Variants in SSH2 observed in about 807,000 individuals in gnomAD.
SSH2 encodes the protein protein phosphatase Slingshot homolog 2.
In SSH2, 37 loss-of-function variants were observed where a neutral mutation model predicts 135.2. The ratio of observed to expected loss-of-function variants is 0.27; its 90% CI spans 0.21 to 0.36. The LOEUF is 0.36. Ranked by LOEUF, SSH2 falls within the 10% of genes least tolerant of loss-of-function variation. SSH2 has a pLI of 1.00. For synonymous variants in SSH2, 628 were observed against 646.2 expected (o/e 0.97, Z 0.43); for missense variants, 1,408 against 1,765.3 (o/e 0.80, Z 3.63).
At chr17:29,725,963 A>G (rs1282379310) in intron 3 of SSH2, among the ~76,000 whole-genome samples, 1 of 152,228 alleles carries the variant, frequency 6.6e-6, no homozygotes, top group Non-Finnish European at 1.5e-5. Context: ...GGAGGTAGAG[A>G]GAGACAAATA....
intron 11 of SSH2, among the ~76,000 whole-genome samples, chr17:29,659,926 G>T (rs2036957772): frequency 2.0e-5 from 3 of 152,146 alleles, no homozygotes; most frequent in Admixed American, 6.5e-5. Flanking sequence ...CACCTCCTGG[G>T]TTCAAGTGAT....
chr17:29,928,326 G>A (rs1273981981), intron 1 of SSH2: 3 of 389,736 alleles, frequency 7.7e-6, no homozygotes, highest in African/African-American at 4.1e-5. Flanking sequence ...GTCTTCAGAT[G>A]ACCCTAAAAT....
chr17:29,852,138 C>T (rs761547405), intron 1 of SSH2, among the ~76,000 whole-genome samples: 1 of 151,598 alleles, frequency 6.6e-6, no homozygotes, highest in African/African-American at 2.4e-5. Flanking sequence ...AAAAATTAGC[C>T]AGGTGTGGTG....
chr17:29,929,912 C>T (rs770322310), intron 1 of SSH2, 26 bp downstream of exon 1: 2 of 1,573,378 alleles, frequency 1.3e-6, no homozygotes, highest in African/African-American at 1.4e-5. Flanking sequence ...CAGAAGCAAG[C>T]GGAGCGGCCG....
Position 29,832,699 on chromosome 17 carries a change from C to A in SSH2, c.144+16150G>T, listed in dbSNP as rs1487875850. ...TTTTCTTTTCTTTTTTTGAGACAGT[C>A]TTACCCTACTGCCCAGGCTGGAGTA... is the stretch of plus-strand genomic sequence containing the variant. On this transcript the variant is annotated intron_variant, in intron 2 of 15. Coordinates refer to ENST00000540801, the MANE Select transcript of SSH2 (RefSeq NM_001282129.2). 7.9e-5 allele frequency among the ~76,000 whole-genome samples: 12 copies of A among 152,200 alleles called. No homozygotes were observed. In the East Asian group the frequency reaches 2.3e-3, roughly 29 times the overall value.
chr17:29,631,857 G>A lies in SSH2; in HGVS notation c.3337C>T (p.His1113Tyr). 6.2e-7 allele frequency: 1 copy of A among 1,614,246 alleles called. No individual in the cohort carries two copies. Among genetic ancestry groups the A allele is most frequent in the Non-Finnish European group, 8.5e-7 (1 of 1,180,046 alleles). ...LPLPHSSSPEHNRPTDHPTSI... is the reference protein window; with the variant it reads ...LPLPHSSSPEYNRPTDHPTSI... Reference sequence around the variant, plus strand: ...GTTGGATGGTCAGTGGGTCTGTTGTGCTCAGGGGAGGAAGAATGAGGCAGA... The same window carrying A: ...GTTGGATGGTCAGTGGGTCTGTTGTACTCAGGGGAGGAAGAATGAGGCAGA... The change falls in exon 16 of 16, where the codon CAC becomes TAC. Residue 1113 changes from histidine (H) to tyrosine (Y), a missense_variant. His to Tyr is a moderately conservative substitution (Grantham distance 83, BLOSUM62 2). This residue lies in a region of SSH2 where 1,080 missense variants were observed against 1,144.5 expected (regional missense o/e 0.94). Transcript: ENST00000540801.
At chr17:29,662,863 C>T (rs2037109496) in intron 11 of SSH2, among the ~76,000 whole-genome samples, 1 of 152,148 alleles carries the variant, frequency 6.6e-6, no homozygotes. Flanking sequence ...AGATAATCAG[C>T]AGTAAAAGTT....
intron 2 of SSH2, among the ~76,000 whole-genome samples, chr17:29,841,881 C>G (rs2043046328): frequency 6.7e-6 from 1 of 149,780 alleles, no homozygotes; most frequent in Non-Finnish European, 1.5e-5. Context: ...AGTACACCAC[C>G]CCCTTGGCTA....
intron 3 of SSH2, among the ~76,000 whole-genome samples, chr17:29,790,354 T>A (rs971831589): frequency 6.6e-6 from 1 of 152,172 alleles, no homozygotes; most frequent in Non-Finnish European, 1.5e-5. Context: ...TGAGAGAAGG[T>A]GGCTGTCTGC....
chr17:29,913,342 A>AT (rs2066803865), intron 1 of SSH2, among the ~76,000 whole-genome samples: 2 of 53,592 alleles, frequency 3.7e-5, no homozygotes, highest in Non-Finnish European at 7.7e-5. Context: ...AAAAAAAAAA[A>AT]AAAAAATATA....
In SSH2 at chr17:29,697,402, C is replaced by T. The variant is rs1382692999; in HGVS notation, c.293-1879G>A. On this transcript the variant is annotated intron_variant, in intron 4 of 15. Coordinates refer to ENST00000540801, the MANE Select transcript of SSH2 (RefSeq NM_001282129.2). ...TTATGAGATGAAATACTGTTATGTA[C>T]AAGAAGTGGATAGAGGCAGGAAGAA... Among the ~76,000 whole-genome samples the T allele has an allele frequency of 2.6e-5, 4 of 151,910 alleles. No individual in the cohort carries two copies. In the East Asian group the frequency reaches 7.7e-4, roughly 29 times the overall value.
At chr17:29,863,160 G>T (rs1361263702) in intron 1 of SSH2, among the ~76,000 whole-genome samples, 1 of 151,942 alleles carries the variant, frequency 6.6e-6, no homozygotes. Flanking sequence ...TTTACTAACT[G>T]GTCCTTAACA....
intron 6 of SSH2, among the ~76,000 whole-genome samples, chr17:29,680,024 C>T (rs142542117): frequency 3.9e-5 from 6 of 152,154 alleles, no homozygotes; most frequent in African/African-American, 1.4e-4. Context: ...GGTATAAAGA[C>T]ATAACATACT....
Position 29,631,153 on chromosome 17 carries a change from G to T in SSH2, c.4041C>A (p.Thr1347=). 3 of 1,614,186 alleles carry T rather than the reference G, an allele frequency of 1.9e-6. No homozygotes were observed. The East Asian group carries it at 6.7e-5, about 36-fold the overall frequency. ...TTGTGAGTTGTTCTACAAAAGACTTGGTGGGCTCTGGGTTGTGGGGGGCAC... is the reference window on the plus strand; with the variant it reads ...TTGTGAGTTGTTCTACAAAAGACTTTGTGGGCTCTGGGTTGTGGGGGGCAC... ...NPGAPHNPEP[T]KSFVEQLTTT... is the part of the protein sequence containing the mutation. The change falls in exon 16 of 16, where the codon ACC becomes ACA. Residue 1347 remains threonine (T), a synonymous_variant. Transcript: ENST00000540801.
chr17:29,924,796 T>C (rs2067036111), intron 1 of SSH2, among the ~76,000 whole-genome samples: 2 of 152,210 alleles, frequency 1.3e-5, no homozygotes. Context: ...AAGATTTATG[T>C]ATAAAGTAAG....
At chr17:29,829,449 C>T (rs1262136852) in intron 2 of SSH2, among the ~76,000 whole-genome samples, 2 of 151,678 alleles carry the variant, frequency 1.3e-5, no homozygotes, top group Non-Finnish European at 2.9e-5. Flanking sequence ...ATATGAAGCC[C>T]CAACTGTCGA....
intron 11 of SSH2, among the ~76,000 whole-genome samples, chr17:29,665,177 A>G (rs1388023742): frequency 6.6e-6 from 1 of 152,210 alleles, no homozygotes; most frequent in East Asian, 1.9e-4. Flanking sequence ...AGAGCAGGAT[A>G]TATCTGAATC....
intron 1 of SSH2, among the ~76,000 whole-genome samples, chr17:29,913,548 T>G (rs2066825466): frequency 6.7e-6 from 1 of 149,982 alleles, no homozygotes; most frequent in African/African-American, 2.4e-5. Context: ...AGTTATGAAA[T>G]TCTGTGAACC....
intron 12 of SSH2, 90 bp from the exon 13 acceptor site, chr17:29,650,890 T>G (rs1193687670): frequency 1.9e-6 from 2 of 1,028,148 alleles, no homozygotes; most frequent in East Asian, 5.6e-5. Context: ...AACTTGTTTA[T>G]TCCATAGACT....
Sources: allele counts gnomAD v4.1 joint callset (sites outside exome capture counted in the v4.1 genomes callset), GRCh38; gene constraint gnomAD v4.1.1; regional missense constraint gnomAD v4.1.1; transcripts MANE v1.5; gene names NCBI Gene and HGNC (gene_info 2026-07-23, HGNC 2026-07-21).